The following DRC7 variants were observed in gnomAD, a reference collection of about 807,000 sequenced individuals.
The protein encoded by DRC7 is dynein regulatory complex subunit 7, also known as coiled-coil domain containing 135.
In DRC7, 80 loss-of-function variants were observed where a neutral mutation model predicts 104.4. That is an observed-to-expected ratio of 0.77 (90% confidence interval 0.64 to 0.92). The LOEUF is 0.92. Ranked by LOEUF, DRC7 falls within the 40% of genes least tolerant of loss-of-function variation. The pLI, the probability that DRC7 is intolerant of heterozygous loss-of-function variation, is 0.00. For synonymous variants in DRC7, 405 were observed against 447.3 expected, an observed-to-expected ratio of 0.91 and a Z score of 1.19; for missense variants, 1,034 against 1,141.1, an observed-to-expected ratio of 0.91 and a Z score of 1.35.
Position 57,731,694 on chromosome 16 carries a change from G to A in DRC7, c.*436G>A, listed in dbSNP as rs2049063622. ...CACCAAGTGGGATGGGGAAGGCTAAGATGCATGCCCCAGAATTTGAGGACT... is the reference window on the plus strand; with the variant it reads ...CACCAAGTGGGATGGGGAAGGCTAAAATGCATGCCCCAGAATTTGAGGACT... On this transcript the variant is annotated 3_prime_UTR_variant, in exon 19 of 19. Coordinates refer to ENST00000360716, the MANE Select transcript of DRC7 (RefSeq NM_001289162.2). The A allele has an allele frequency of 5.6e-6, 1 of 178,024 alleles. No homozygotes were observed. The highest frequency in any genetic ancestry group is 1.2e-5 in the Non-Finnish European group (1 of 84,360). 11.0% of individuals were successfully genotyped at this position (178,024 alleles called of 1,614,324 possible).
At chr16:57,720,890 T>A (rs2048895301) in intron 9 of DRC7, among the ~76,000 whole-genome samples, 1 of 152,044 alleles carries the variant, frequency 6.6e-6, no homozygotes, top group African/African-American at 2.4e-5. Context: ...ATGGGGAAAT[T>A]AAGGCTCAGA....
chr16:57,706,051 TCCATCCATCCTCCCATTTTGCCTC>T (rs2048720385), intron 7 of DRC7, among the ~76,000 whole-genome samples: 2 of 119,656 alleles, frequency 1.7e-5, no homozygotes, highest in Non-Finnish European at 3.5e-5. Flanking sequence ...CATCCTCCCA[TCCATCCATCCTCCCATTTTGCCTC>T]CCATCCATCC....
chr16:57,701,955 C>T lies in DRC7; in HGVS notation c.524C>T (p.Ser175Leu), dbSNP rs1429861942. ...GACCAGCCCTCGCACCTGTACTCCT[C>T]GACCACTGTGCTCAAGTACCAGAAG... ...PLKPPSHLYS[S>L]TTVLKYQKGN... is the part of the protein sequence containing the mutation. Residue 175 changes from serine (S) to leucine (L), a missense_variant, in exon 6 of 19, where the codon TCG becomes TTG. Transcript: ENST00000360716. 5 of 1,613,934 alleles carry T rather than the reference C, an allele frequency of 3.1e-6. No homozygotes were observed. In the African/African-American group the frequency reaches 4.0e-5, roughly 13 times the overall value.
chr16:57,716,951 G>A (rs1227677176), intron 8 of DRC7, among the ~76,000 whole-genome samples: 1 of 152,010 alleles, frequency 6.6e-6, no homozygotes, highest in Non-Finnish European at 1.5e-5. Context: ...GAGGTCAGGA[G>A]TTTGAGACCA....
chr16:57,720,409 C>T (rs2923141), intron 9 of DRC7, among the ~76,000 whole-genome samples: 6,518 of 152,294 alleles, frequency 0.043, 382 homozygotes, highest in East Asian at 0.23. Context: ...AGACTGGGGA[C>T]ATCTTGTGTG....
rs2048668090 is a variant in DRC7, at chr16:57,702,232, C to T, written c.699+102C>T. On this transcript the variant is annotated intron_variant, in intron 6 of 18. Coordinates refer to ENST00000360716, the MANE Select transcript of DRC7 (RefSeq NM_001289162.2). Reference sequence around the variant, plus strand: ...TCCATCACTGCCGCCTCATCCCCAGCCCTGGCCACGCGGACACAGATCCCT... The same window carrying T: ...TCCATCACTGCCGCCTCATCCCCAGTCCTGGCCACGCGGACACAGATCCCT... 5 of 1,237,950 alleles carry T rather than the reference C, an allele frequency of 4.0e-6. No individual in the cohort carries two copies. In the Admixed American group the frequency reaches 8.1e-5, roughly 20 times the overall value. The allele number at this position is 1,237,950 out of a possible 1,614,324, so 76.7% of individuals were successfully genotyped here. A position where few individuals can be genotyped will look rare whatever the true frequency, so the allele number is the denominator to read the frequency against.
At chr16:57,724,879 G>C (rs1330071031) in intron 13 of DRC7, 44 bp downstream of exon 13, 1 of 1,476,948 alleles carries the variant, frequency 6.8e-7, no homozygotes, top group East Asian at 2.4e-5. Flanking sequence ...CTCCTTCTCT[G>C]GCAGCTGATG....
At chr16:57,728,610 G>C (rs377477721) in intron 17 of DRC7, 26 bp downstream of exon 17, 2 of 1,522,704 alleles carry the variant, frequency 1.3e-6, no homozygotes, top group Non-Finnish European at 1.8e-6. Context: ...TTGTTGGGGA[G>C]GGGGGGATCT....
chr16:57,712,054 A>G (rs2048795770), intron 8 of DRC7, among the ~76,000 whole-genome samples: 1 of 152,216 alleles, frequency 6.6e-6, no homozygotes, highest in African/African-American at 2.4e-5. Flanking sequence ...CTAAGCAAGA[A>G]GGAGGTCTGC....
At chr16:57,699,045 G>C in intron 4 of DRC7, 21 bp downstream of exon 4, 1 of 1,610,982 alleles carries the variant, frequency 6.2e-7, no homozygotes, top group Non-Finnish European at 8.5e-7. Flanking sequence ...CATGTTGAGG[G>C]CAGGGCTGGG....
intron 12 of DRC7, 62 bp downstream of exon 12, chr16:57,723,192 T>G: frequency 6.4e-7 from 1 of 1,574,096 alleles, no homozygotes. Context: ...ACACACCCTG[T>G]GGCAGGTGGT....
intron 17 of DRC7, among the ~76,000 whole-genome samples, chr16:57,729,981 G>C (rs1441888385): frequency 7.0e-6 from 1 of 142,380 alleles, no homozygotes; most frequent in African/African-American, 2.7e-5. Context: ...CGAGTGGATA[G>C]ATGGACGGTT....
At chr16:57,704,787 G>T (rs1165660721) in intron 6 of DRC7, 89 bp from the exon 7 acceptor site, 23 of 1,484,094 alleles carry the variant, frequency 1.5e-5, no homozygotes, top group Non-Finnish European at 1.9e-5. Context: ...CGGTCTGAGG[G>T]ACTGGCTGGG....
intron 4 of DRC7, among the ~76,000 whole-genome samples, chr16:57,699,404 C>T (rs1031816683): frequency 9.9e-5 from 15 of 152,136 alleles, no homozygotes; most frequent in South Asian, 6.2e-4. Context: ...CCAAATAAAG[C>T]GGGTCTGTGG....
intron 5 of DRC7, 64 bp downstream of exon 5, chr16:57,700,334 C>T: frequency 1.3e-6 from 2 of 1,551,282 alleles, no homozygotes; most frequent in East Asian, 2.3e-5. Context: ...GAGAAACAAA[C>T]TCACCCATCC....
intron 6 of DRC7, 47 bp downstream of exon 6, chr16:57,702,177 C>T (rs2048667271): frequency 2.5e-6 from 4 of 1,594,890 alleles, no homozygotes; most frequent in African/African-American, 1.3e-5. Context: ...GATGAACATT[C>T]CCGGTGCTGT....
At chr16:57,704,258 G>A (rs1017206295) in intron 6 of DRC7, among the ~76,000 whole-genome samples, 5 of 151,982 alleles carry the variant, frequency 3.3e-5, no homozygotes, top group African/African-American at 1.2e-4. Flanking sequence ...AACTTGAAAC[G>A]CTGGAGATTC....
chr16:57,698,077 C>T lies in DRC7; in HGVS notation c.128C>T (p.Thr43Ile). Residue 43 changes from threonine (T) to isoleucine (I), a missense_variant, in exon 3 of 19, where the codon ACC (threonine) becomes ATC (isoleucine). Thr to Ile is a moderately conservative substitution (Grantham distance 89). Coordinates refer to ENST00000360716, the MANE Select transcript of DRC7 (RefSeq NM_001289162.2). ...RPVEVRKEEI[T>I]LKQETLRDLE... ...GTTGAGGTGCGGAAGGAGGAAATCA[C>T]CTTAAAGCAGGAGACGCTCAGAGAC... The T allele has an allele frequency of 6.2e-7, 1 of 1,614,100 alleles. No homozygotes were observed.
intron 8 of DRC7, chr16:57,714,051 T>G: frequency 9.2e-6 from 2 of 217,754 alleles, no homozygotes; most frequent in Non-Finnish European, 1.9e-5. Flanking sequence ...TACAGAAAGC[T>G]GTCTCATCTT....
Sources: gnomAD v4.1 joint callset for allele counts (sites outside exome capture counted in the v4.1 genomes callset) on GRCh38, gnomAD v4.1.1 for gene constraint, MANE v1.5 for transcripts, NCBI Gene and HGNC (gene_info 2026-07-23, HGNC 2026-07-21) for gene names.